ADARB2: variants seen among roughly 807,000 people sequenced by gnomAD.
The protein encoded by ADARB2 is adenosine deaminase RNA specific B2 (inactive).
Under a neutral mutation model 62.2 loss-of-function variants are expected in ADARB2, and 25 were observed. The ratio of observed to expected loss-of-function variants is 0.40; its 90% CI spans 0.29 to 0.56. The LOEUF is 0.56. Among genes scored for constraint, ADARB2 ranks in the 20% least tolerant of loss-of-function variants. The pLI, the probability that ADARB2 is intolerant of heterozygous loss-of-function variation, is 0.43. For synonymous variants in ADARB2, 572 were observed against 500.8 expected, an observed-to-expected ratio of 1.14 and a Z score of -1.90; for missense variants, 1,071 against 1,077.4, an observed-to-expected ratio of 0.99 and a Z score of 0.08.
intron 1 of ADARB2, among the ~76,000 whole-genome samples, chr10:1,390,673 T>C (rs997635016): frequency 6.6e-6 from 1 of 152,220 alleles, no homozygotes; most frequent in Non-Finnish European, 1.5e-5. Flanking sequence ...ATTTTATAGA[T>C]GTGAAAGCTC....
intron 3 of ADARB2, among the ~76,000 whole-genome samples, chr10:1,300,023 T>A (rs1321042766): frequency 2.0e-5 from 3 of 152,182 alleles, no homozygotes; most frequent in Non-Finnish European, 4.4e-5. Flanking sequence ...GTCCTTTTCC[T>A]TGGTTCCCCA....
chr10:1,500,725 C>T (rs1402777512), intron 1 of ADARB2, among the ~76,000 whole-genome samples: 1 of 152,184 alleles, frequency 6.6e-6, no homozygotes, highest in East Asian at 1.9e-4. Flanking sequence ...TAGACAGGAG[C>T]TTCCTAGCTG....
chr10:1,315,940 C>T (rs540867075), intron 3 of ADARB2, among the ~76,000 whole-genome samples: 48 of 152,220 alleles, frequency 3.2e-4, no homozygotes, highest in African/African-American at 8.9e-4. Context: ...TTTCTTGGAG[C>T]ATAACAGTTT....
chr10:1,220,662 C>T (rs1830687107), intron 6 of ADARB2, among the ~76,000 whole-genome samples: 2 of 152,090 alleles, frequency 1.3e-5, no homozygotes, highest in Admixed American at 6.5e-5. Flanking sequence ...GTTGCTGTCC[C>T]TCCATTTCTG....
chr10:1,409,065 T>C (rs953680516), intron 1 of ADARB2, among the ~76,000 whole-genome samples: 8 of 152,232 alleles, frequency 5.3e-5, no homozygotes, highest in Non-Finnish European at 1.2e-4. Flanking sequence ...CTCAGGCTGA[T>C]GCCCATGTCT....
At position 1,552,253 on chromosome 10, in the gene ADARB2, C is replaced by G. The variant is rs1588299324; in HGVS notation, c.101-173093G>C. 2.0e-5 allele frequency among the ~76,000 whole-genome samples: 3 copies of G among 152,254 alleles called. No individual in the cohort carries two copies. The East Asian group carries it at 5.8e-4, about 29-fold the overall frequency. ...GCTCATGGACTGCACTCCAGGGCAGCTGTGGCCTGTGCCGTGTAAGTGGAT... is the reference window on the plus strand; with the variant it reads ...GCTCATGGACTGCACTCCAGGGCAGGTGTGGCCTGTGCCGTGTAAGTGGAT... On this transcript the variant is annotated intron_variant, in intron 1 of 9. Coordinates refer to ENST00000381312, the MANE Select transcript of ADARB2 (RefSeq NM_018702.4).
chr10:1,304,987 A>C (rs553161321), intron 3 of ADARB2, among the ~76,000 whole-genome samples: 1 of 88,056 alleles, frequency 1.1e-5, no homozygotes, highest in African/African-American at 3.1e-5. Flanking sequence ...AAGAGCAAAC[A>C]CATTCAAAAG....
At chr10:1,344,519 G>A (rs774414208) in intron 3 of ADARB2, among the ~76,000 whole-genome samples, 1 of 152,228 alleles carries the variant, frequency 6.6e-6, no homozygotes, top group Non-Finnish European at 1.5e-5. Flanking sequence ...GGCGCTGAAC[G>A]CTGAGTATAA....
intron 2 of ADARB2, among the ~76,000 whole-genome samples, chr10:1,371,428 GA>G (rs1296424962): frequency 6.6e-6 from 1 of 152,100 alleles, no homozygotes; most frequent in East Asian, 1.9e-4. Context: ...CACAAATCCA[GA>G]AACAGACAAA....
intron 3 of ADARB2, among the ~76,000 whole-genome samples, chr10:1,288,847 G>A (rs898696899): frequency 6.6e-6 from 1 of 152,186 alleles, no homozygotes. Context: ...CATGTGACGC[G>A]GTTGTCTAAA....
intron 3 of ADARB2, among the ~76,000 whole-genome samples, chr10:1,315,840 C>T (rs2131825143): frequency 6.6e-6 from 1 of 152,326 alleles, no homozygotes; most frequent in African/African-American, 2.4e-5. Context: ...CACTTGAAAG[C>T]ATGTAAAAAT....
chr10:1,733,518 C>T (rs1242141702), intron 1 of ADARB2, among the ~76,000 whole-genome samples: 1 of 151,890 alleles, frequency 6.6e-6, no homozygotes, highest in Non-Finnish European at 1.5e-5. Context: ...TACATACTAC[C>T]CTGAAGTTAT....
At chr10:1,386,081 G>A (rs1406195623) in intron 1 of ADARB2, among the ~76,000 whole-genome samples, 1 of 151,982 alleles carries the variant, frequency 6.6e-6, no homozygotes, top group Non-Finnish European at 1.5e-5. Flanking sequence ...TTATTCTGTT[G>A]CAAGTTTCTT....
At chr10:1,521,084 A>G (rs1832068448) in intron 1 of ADARB2, among the ~76,000 whole-genome samples, 1 of 152,174 alleles carries the variant, frequency 6.6e-6, no homozygotes, top group African/African-American at 2.4e-5. Flanking sequence ...AGGGACTCGG[A>G]ATTAATACTC....
intron 1 of ADARB2, among the ~76,000 whole-genome samples, chr10:1,655,482 A>G (rs7904615): frequency 0.25 from 38,561 of 152,048 alleles, 4,954 homozygotes; most frequent in East Asian, 0.35. Flanking sequence ...ACCTAATTAT[A>G]CCTAATTTGC....
At chr10:1,442,104 G>T (rs780836652) in intron 1 of ADARB2, among the ~76,000 whole-genome samples, 1 of 152,068 alleles carries the variant, frequency 6.6e-6, no homozygotes, top group East Asian at 1.9e-4. Flanking sequence ...GGTATATTAC[G>T]CTAATAAAAT....
chr10:1,591,709 C>T (rs1479152004), intron 1 of ADARB2, among the ~76,000 whole-genome samples: 5 of 152,250 alleles, frequency 3.3e-5, no homozygotes, highest in South Asian at 2.1e-4. Context: ...CCCCACCTGC[C>T]GCCGTCTTGT....
At chr10:1,299,987 C>G (rs2131816757) in intron 3 of ADARB2, among the ~76,000 whole-genome samples, 1 of 152,284 alleles carries the variant, frequency 6.6e-6, no homozygotes, top group South Asian at 2.1e-4. Context: ...ACCAGGGGGG[C>G]CCGGTGGAGG....
chr10:1,717,082 A>G (rs567108882), intron 1 of ADARB2, among the ~76,000 whole-genome samples: 4 of 106,522 alleles, frequency 3.8e-5, no homozygotes, highest in Middle Eastern at 0.011. Context: ...TTCTGATCAC[A>G]TGTTATTCTG....
Sources: allele counts gnomAD v4.1 joint callset (sites outside exome capture counted in the v4.1 genomes callset), GRCh38; gene constraint gnomAD v4.1.1; transcripts MANE v1.5; gene names NCBI Gene and HGNC (gene_info 2026-07-23, HGNC 2026-07-21).